MARCHF10: variants seen among roughly 807,000 people sequenced by gnomAD.
The protein encoded by MARCHF10 is membrane associated ring-CH-type finger 10.
In MARCHF10, 64 loss-of-function variants were observed where a neutral mutation model predicts 76.2. The observed-to-expected ratio is 0.84, with a 90% CI of 0.69 to 1.03. The LOEUF (loss-of-function observed/expected upper bound fraction) is 1.03, where lower values mean the gene tolerates loss of function less well. Among genes scored for constraint, MARCHF10 ranks in the 50% least tolerant of loss-of-function variants. MARCHF10 has a pLI of 0.00. For synonymous variants in MARCHF10, 340 were observed against 357.5 expected, an observed-to-expected ratio of 0.95 and a Z score of 0.55; for missense variants, 875 against 958.0, an observed-to-expected ratio of 0.91 and a Z score of 1.14.
rs777222360 is a variant in MARCHF10 at position 62,736,835 on chromosome 17, T to C, written c.1033A>G (p.Arg345Gly). 4 of 1,613,970 alleles carry C rather than the reference T, an allele frequency of 2.5e-6. No homozygotes were observed. Among genetic ancestry groups the C allele is most frequent in the African/African-American group, 2.7e-5 (2 of 74,930 alleles). Residue 345 changes from arginine (R) to glycine (G), a missense_variant, in exon 6 of 11, where the codon AGA becomes GGA. Arg to Gly is a moderately radical substitution (Grantham distance 125, BLOSUM62 -2). Coordinates refer to ENST00000311269, the MANE Select transcript of MARCHF10 (RefSeq NM_152598.4). ...GAGCCATGACTGGGCTCACTTCTTC[T>C]TGAAGAATGACCTCTGCAATTTTCA... Reference protein sequence around the residue: ...NAENCRGHSSRRSEPSHGSLR... With the variant: ...NAENCRGHSSGRSEPSHGSLR...
At chr17:62,704,349 G>A (rs1345447086) in intron 10 of MARCHF10, among the ~76,000 whole-genome samples, 13 of 152,114 alleles carry the variant, frequency 8.5e-5, no homozygotes, top group Non-Finnish European at 1.0e-4. Context: ...GGCCGGGGTC[G>A]GGGGTGGCCG....
intron 1 of MARCHF10, among the ~76,000 whole-genome samples, chr17:62,804,556 G>C (rs1468868822): frequency 6.6e-6 from 1 of 152,170 alleles, no homozygotes; most frequent in Non-Finnish European, 1.5e-5. Flanking sequence ...ACCTTGGTGA[G>C]AGCATTCATT....
At chr17:62,710,873 T>C (rs997505836) in intron 9 of MARCHF10, among the ~76,000 whole-genome samples, 2 of 152,150 alleles carry the variant, frequency 1.3e-5, no homozygotes, top group African/African-American at 4.8e-5. Flanking sequence ...GTTCCTCTTT[T>C]TCGCAGGTCC....
At chr17:62,758,035 C>T (rs1194509416) in intron 4 of MARCHF10, among the ~76,000 whole-genome samples, 6 of 152,174 alleles carry the variant, frequency 3.9e-5, no homozygotes, top group African/African-American at 1.4e-4. Context: ...ACAAGGCACA[C>T]TATACAAACA....
At chr17:62,768,708 C>T (rs1310359441) in intron 3 of MARCHF10, among the ~76,000 whole-genome samples, 2 of 152,148 alleles carry the variant, frequency 1.3e-5, no homozygotes, top group Non-Finnish European at 2.9e-5. Flanking sequence ...TAGTCTTTTT[C>T]TGAACATTTT....
intron 1 of MARCHF10, among the ~76,000 whole-genome samples, chr17:62,804,399 G>A (rs1344679280): frequency 1.3e-5 from 2 of 152,090 alleles, no homozygotes; most frequent in African/African-American, 2.4e-5. Flanking sequence ...ACAAAACCTC[G>A]TGAAGAACAC....
At chr17:62,707,432 G>A (rs1165908461) in intron 9 of MARCHF10, 1 of 152,304 alleles carries the variant, frequency 6.6e-6, no homozygotes, top group Non-Finnish European at 1.5e-5. Flanking sequence ...AACCCTCCAG[G>A]ATTCTGGGTC....
At chr17:62,770,384 C>T (rs2092420522) in intron 3 of MARCHF10, among the ~76,000 whole-genome samples, 1 of 152,116 alleles carries the variant, frequency 6.6e-6, no homozygotes, top group Admixed American at 6.5e-5. Context: ...GGTATATACC[C>T]AGCAATGGGA....
intron 3 of MARCHF10, among the ~76,000 whole-genome samples, chr17:62,765,078 G>C (rs2092296382): frequency 6.6e-6 from 1 of 152,140 alleles, no homozygotes; most frequent in African/African-American, 2.4e-5. Flanking sequence ...CAGGTGCTGT[G>C]GTTCACGCTT....
At chr17:62,774,176 T>G (rs1243686473) in intron 3 of MARCHF10, among the ~76,000 whole-genome samples, 5 of 152,178 alleles carry the variant, frequency 3.3e-5, no homozygotes, top group Admixed American at 2.6e-4. Context: ...TCCAGCGATT[T>G]TGGAGATGAA....
intron 6 of MARCHF10, among the ~76,000 whole-genome samples, chr17:62,733,565 C>T (rs1029040633): frequency 1.3e-5 from 2 of 152,142 alleles, no homozygotes; most frequent in African/African-American, 2.4e-5. Flanking sequence ...CCCACCAGCC[C>T]ACCAGCCCAG....
intron 4 of MARCHF10, among the ~76,000 whole-genome samples, chr17:62,746,555 C>T (rs1384809800): frequency 6.6e-6 from 1 of 152,112 alleles, no homozygotes. Flanking sequence ...CCAAAAGTTG[C>T]ATTCCTTGAA....
intron 5 of MARCHF10, among the ~76,000 whole-genome samples, chr17:62,739,854 G>C (rs1444459890): frequency 6.6e-6 from 1 of 152,154 alleles, no homozygotes; most frequent in East Asian, 1.9e-4. Flanking sequence ...GAAACTGGAA[G>C]CTCAACGGGA....
intron 4 of MARCHF10, among the ~76,000 whole-genome samples, chr17:62,746,566 C>T (rs142769654): frequency 6.6e-6 from 1 of 152,234 alleles, no homozygotes; most frequent in African/African-American, 2.4e-5. Context: ...ATTCCTTGAA[C>T]ATAGAAGCTT....
intron 1 of MARCHF10, among the ~76,000 whole-genome samples, chr17:62,807,750 G>A (rs2093184699): frequency 6.6e-6 from 1 of 152,068 alleles, no homozygotes; most frequent in African/African-American, 2.4e-5. Context: ...GAGACAGAGC[G>A]AGACTCCTTC....
intron 8 of MARCHF10, among the ~76,000 whole-genome samples, chr17:62,714,977 C>T (rs906767957): frequency 2.0e-5 from 3 of 152,150 alleles, no homozygotes; most frequent in East Asian, 1.9e-4. Context: ...CAACTCCTGA[C>T]CTCAAATGAT....
intron 9 of MARCHF10, 61 bp from the exon 10 acceptor site, chr17:62,705,642 T>C: frequency 1.3e-6 from 2 of 1,595,026 alleles, no homozygotes; most frequent in Non-Finnish European, 1.7e-6. Context: ...TGAACAGATG[T>C]ATAACCTCCT....
chr17:62,807,643 C>T (rs990667777), intron 1 of MARCHF10, among the ~76,000 whole-genome samples: 3 of 152,004 alleles, frequency 2.0e-5, no homozygotes, highest in Non-Finnish European at 4.4e-5. Context: ...GGCCTGTGGT[C>T]CCAGCTACCA....
chr17:62,746,467 CAG>C (rs36009177), intron 4 of MARCHF10, among the ~76,000 whole-genome samples: 6 of 150,412 alleles, frequency 4.0e-5, no homozygotes, highest in Non-Finnish European at 5.9e-5. Context: ...GACAGAAAGA[CAG>C]AGAGAGAGAG....
Sources: allele counts gnomAD v4.1 joint callset (sites outside exome capture counted in the v4.1 genomes callset), GRCh38; gene constraint gnomAD v4.1.1; transcripts MANE v1.5; gene names NCBI Gene and HGNC (gene_info 2026-07-23, HGNC 2026-07-21).